TRIML2: variants seen among roughly 807,000 people sequenced by gnomAD.
TRIML2 encodes the protein tripartite motif family like 2.
Under a neutral mutation model 31.2 loss-of-function variants are expected in TRIML2, and 28 were observed. The ratio of observed to expected loss-of-function variants is 0.90; its 90% CI spans 0.66 to 1.23. The LOEUF (loss-of-function observed/expected upper bound fraction) is 1.23, where lower values mean the gene tolerates loss of function less well. Ranked by LOEUF, TRIML2 falls within the 50% of genes most tolerant of loss-of-function variation. TRIML2 has a pLI of 0.00. For missense variants in TRIML2, 536 were observed against 528.3 expected (o/e 1.01, Z -0.14); for synonymous variants, 187 against 197.5 (o/e 0.95, Z 0.45).
intron 3 of TRIML2, among the ~76,000 whole-genome samples, chr4:188,102,092 C>T (rs77391279): frequency 0.17 from 24,452 of 146,398 alleles, 2,978 homozygotes; most frequent in East Asian, 0.56. Context: ...ATGGCGCCAC[C>T]GCACTCCAGC....
At position 188,091,441 on chromosome 4, in the gene TRIML2, C is replaced by G; in HGVS notation, c.1246G>C (p.Asp416His). ...PVFSLCIPNG[D>H]TSPDSLTILQ... ...ATGGTGAGGGAGTCTGGACTTGTGT[C>G]TCCATTTGGGATACAGAGGGAAAAC... Residue 416 changes from aspartate (D) to histidine (H), a missense_variant, in exon 8 of 8, where the codon GAC becomes CAC. By Grantham distance (81) the Asp-to-His change is moderately conservative. Transcript: ENST00000682553. 1.9e-6 allele frequency: 3 copies of G among 1,614,152 alleles called. No homozygotes were observed. Among genetic ancestry groups the G allele is most frequent in the Middle Eastern group, 3.3e-4 (2 of 6,062 alleles).
rs1733281459 is a variant in TRIML2 at position 188,091,938 on chromosome 4, T to A, written c.749A>T (p.His250Leu). The A allele has an allele frequency of 1.9e-6, 3 of 1,607,028 alleles. No individual in the cohort carries two copies. Among genetic ancestry groups the A allele is most frequent in the Non-Finnish European group, 2.5e-6 (3 of 1,178,956 alleles). The change falls in exon 8 of 8, where the codon CAT becomes CTT. Residue 250 changes from histidine to leucine, a missense_variant. Physicochemically the swap from His to Leu is moderately conservative, Grantham distance 99. Transcript: ENST00000682553. ...AGCTGTTTCAGGATCCAATGTTAAA[T>A]GTCCTATCAGGAGAGAAAACCCTCG... is the stretch of plus-strand genomic sequence containing the variant. Reference protein sequence around the residue: ...LSSMFRVLQRHLTLDPETAHP... With the variant: ...LSSMFRVLQRLLTLDPETAHP...
intron 3 of TRIML2, among the ~76,000 whole-genome samples, chr4:188,102,287 C>T (rs866569668): frequency 6.6e-6 from 1 of 151,686 alleles, no homozygotes; most frequent in Admixed American, 6.6e-5. Flanking sequence ...GAGTCATGGA[C>T]GAAAGACACC....
chr4:188,101,085 G>T lies in TRIML2; in HGVS notation c.451C>A (p.Leu151Ile). Residue 151 changes from leucine to isoleucine, a missense_variant, in exon 4 of 8, where the codon CTA becomes ATA. By Grantham distance (5) the Leu-to-Ile change is conservative (BLOSUM62 2). Coordinates refer to ENST00000682553, the MANE Select transcript of TRIML2 (RefSeq NM_173553.4). ...AGCATTTCCTGGAACATCTCCTCTA[G>T]CTCGGTGGCAAGCTTGATCGCTTGA... ...LNQAIKLATE[L>I]EEMFQEMLQR... 1.2e-6 allele frequency: 2 copies of T among 1,612,754 alleles called. No individual in the cohort carries two copies. Among genetic ancestry groups the T allele is most frequent in the Admixed American group, 3.4e-5 (2 of 59,660 alleles).
intron 7 of TRIML2, chr4:188,092,933 T>C (rs995768540): frequency 2.2e-6 from 1 of 455,770 alleles, no homozygotes; most frequent in Non-Finnish European, 4.4e-6. Context: ...TTCTTTCAAG[T>C]AGTATATTCT....
At chr4:188,095,400 C>G (rs1388725356) in intron 7 of TRIML2, among the ~76,000 whole-genome samples, 1 of 152,034 alleles carries the variant, frequency 6.6e-6, no homozygotes, top group East Asian at 1.9e-4. Flanking sequence ...CTAAACAGAA[C>G]ATATAAAGAA....
Position 188,091,874 on chromosome 4 carries a change from C to G in TRIML2, c.813G>C (p.Met271Ile), listed in dbSNP as rs1733277313. The change falls in exon 8 of 8, where the codon ATG becomes ATC. Residue 271 changes from methionine to isoleucine, a missense_variant. Transcript: ENST00000682553. ...CATCCTGCTGCCCATGTCTCAATCT[C>G]ATAGTTCTCAGGTCCTCAGATAGTG... ...CLALSEDLRT[M>I]RLRHGQQDGA... is the part of the protein sequence containing the mutation. 5 of 1,613,980 alleles carry G rather than the reference C, an allele frequency of 3.1e-6. No homozygotes were observed. Among genetic ancestry groups the G allele is most frequent in the Admixed American group, 1.7e-5 (1 of 60,004 alleles).
chr4:188,097,011 T>A lies in TRIML2; in HGVS notation c.745+50A>T, dbSNP rs1490745510. 3.0e-6 allele frequency: 4 copies of A among 1,336,810 alleles called. No homozygotes were observed. The South Asian group carries it at 4.7e-5, about 16-fold the overall frequency. 82.8% of individuals were successfully genotyped at this position (1,336,810 alleles called of 1,614,324 possible). A position where few individuals can be genotyped will look rare whatever the true frequency, so the allele number is the denominator to read the frequency against. On this transcript the variant is annotated intron_variant, in intron 7 of 7. Coordinates refer to ENST00000682553, the MANE Select transcript of TRIML2 (RefSeq NM_173553.4). The stretch of plus-strand genomic sequence containing the variant: ...CATTTATGGCAGGATGGTCACCTGA[T>A]TCTCAAATGCAGAACAGTGCCCTGT...
chr4:188,102,106 G>A (rs1285610013), intron 3 of TRIML2, among the ~76,000 whole-genome samples: 4 of 150,128 alleles, frequency 2.7e-5, no homozygotes, highest in Non-Finnish European at 5.9e-5. Context: ...CTCCAGCCTG[G>A]GCGACAGAGG....
intron 1 of TRIML2, 77 bp from the exon 2 acceptor site, chr4:188,105,667 A>G: frequency 3.6e-6 from 1 of 280,080 alleles, no homozygotes; most frequent in Non-Finnish European, 6.7e-6. Context: ...ATCTTGAGCA[A>G]TAGGCTGAAA....
At chr4:188,102,415 T>C (rs28573887) in intron 3 of TRIML2, among the ~76,000 whole-genome samples, 21,693 of 152,150 alleles carry the variant, frequency 0.14, 1,641 homozygotes, top group Middle Eastern at 0.23. Flanking sequence ...GTGATGAATT[T>C]GATTAGTCAA....
At chr4:188,108,489 C>T (rs1734128563) in intron 1 of TRIML2, among the ~76,000 whole-genome samples, 1 of 152,174 alleles carries the variant, frequency 6.6e-6, no homozygotes, top group Admixed American at 6.5e-5. Flanking sequence ...CTCTGCTCAA[C>T]CACCAGAATA....
intron 7 of TRIML2, among the ~76,000 whole-genome samples, chr4:188,096,816 C>T (rs1348782117): frequency 6.6e-6 from 1 of 151,870 alleles, no homozygotes; most frequent in African/African-American, 2.4e-5. Context: ...GCCACCACAA[C>T]TGGCTAATTT....
At chr4:188,102,183 C>CTATA (rs1202085133) in intron 3 of TRIML2, among the ~76,000 whole-genome samples, 2 of 148,962 alleles carry the variant, frequency 1.3e-5, no homozygotes, top group Non-Finnish European at 3.0e-5. Context: ...ACTAAGGAAG[C>CTATA]TATAGCCTCT....
At chr4:188,100,205 A>C (rs950353256) in intron 4 of TRIML2, among the ~76,000 whole-genome samples, 3 of 152,178 alleles carry the variant, frequency 2.0e-5, no homozygotes, top group Admixed American at 6.6e-5. Context: ...TTATAATTGT[A>C]ACATCTGCTA....
At chr4:188,096,159 G>A (rs1733499200) in intron 7 of TRIML2, among the ~76,000 whole-genome samples, 1 of 152,122 alleles carries the variant, frequency 6.6e-6, no homozygotes, top group Non-Finnish European at 1.5e-5. Flanking sequence ...AGCACTTTGG[G>A]AGCCTGAGGC....
intron 1 of TRIML2, among the ~76,000 whole-genome samples, chr4:188,107,415 C>T (rs1283257104): frequency 6.6e-6 from 1 of 152,124 alleles, no homozygotes; most frequent in Non-Finnish European, 1.5e-5. Flanking sequence ...TTGGGATCTT[C>T]GTCAATAATG....
At chr4:188,098,888 G>T in intron 5 of TRIML2, 147 bp downstream of exon 5, 1 of 874,700 alleles carries the variant, frequency 1.1e-6, no homozygotes, top group Non-Finnish European at 1.7e-6. Flanking sequence ...TAAAGCTTTT[G>T]GCAGCTGAAA....
rs1192330766 is a variant in TRIML2 at position 188,095,577 on chromosome 4, C to A, written c.745+1484G>T. On this transcript the variant is annotated intron_variant, in intron 7 of 7. Transcript: ENST00000682553. Reference sequence around the variant, plus strand: ...ACATACCACTACCCATCTATCGGGTCGGATGTAGTAAAACAAACTGACAAT... The same window carrying A: ...ACATACCACTACCCATCTATCGGGTAGGATGTAGTAAAACAAACTGACAAT... Among the ~76,000 whole-genome samples, 4 of 152,136 alleles carry A rather than the reference C, an allele frequency of 2.6e-5. No individual in the cohort carries two copies. The East Asian group carries it at 7.7e-4, about 29-fold the overall frequency.
Sources: allele counts gnomAD v4.1 joint callset (sites outside exome capture counted in the v4.1 genomes callset), GRCh38; gene constraint gnomAD v4.1.1; transcripts MANE v1.5; gene names NCBI Gene and HGNC (gene_info 2026-07-23, HGNC 2026-07-21).